Variants in PCDH15 observed in about 807,000 individuals in gnomAD.
PCDH15 encodes protocadherin related 15.
PCDH15 carries 129 observed loss-of-function variants against 178.5 expected under a neutral mutation model. That is an observed-to-expected ratio of 0.72 (90% CI 0.63 to 0.84). The LOEUF (loss-of-function observed/expected upper bound fraction) is 0.84, where lower values mean the gene tolerates loss of function less well. Among genes scored for constraint, PCDH15 ranks in the 40% least tolerant of loss-of-function variants. The probability of loss-of-function intolerance (pLI) is 0.00; values close to 1 mark genes in which losing one functional copy is unlikely to be tolerated. For synonymous variants in PCDH15, 800 were observed against 732.0 expected, an observed-to-expected ratio of 1.09 and a Z score of -1.50; for missense variants, 2,230 against 2,099.9, an observed-to-expected ratio of 1.06 and a Z score of -1.21.
chr10:54,922,182 C>A (rs1477031936), intron 2 of PCDH15, among the ~76,000 whole-genome samples: 1 of 152,084 alleles, frequency 6.6e-6, no homozygotes, highest in Admixed American at 6.6e-5. Flanking sequence ...CATGACCATG[C>A]CTTTTCAACA....
At chr10:55,484,204 T>C (rs1219608610) in intron 2 of PCDH15, among the ~76,000 whole-genome samples, 1 of 151,690 alleles carries the variant, frequency 6.6e-6, no homozygotes, top group Non-Finnish European at 1.5e-5. Flanking sequence ...AGTTAATACC[T>C]GGTTAGTAAG....
At position 53,807,067 on chromosome 10, in the gene PCDH15, C is replaced by CTCCAGT. The variant is rs1554814938; in HGVS notation, c.4729_4734dup (p.Thr1577_Gly1578dup). 1 of 1,613,180 alleles carries CTCCAGT rather than the reference C, an allele frequency of 6.2e-7. No homozygotes were observed. The highest frequency in any genetic ancestry group is 1.7e-5 in the Admixed American group (1 of 59,894). On this transcript the variant is annotated inframe_insertion, in exon 38 of 38. Coordinates refer to ENST00000644397, the MANE Select transcript of PCDH15 (RefSeq NM_001384140.1). Reference sequence around the variant, plus strand: ...CTCTGACATTCAGGAGCACTGTCTTCTCCAGTTGAGCTGGTTTCATACTCT... The same window carrying CTCCAGT: ...CTCTGACATTCAGGAGCACTGTCTTCTCCAGTTCCAGTTGAGCTGGTTTCATACTCT...
chr10:54,735,006 A>G (rs1943903539), intron 1 of PCDH15, among the ~76,000 whole-genome samples: 1 of 152,030 alleles, frequency 6.6e-6, no homozygotes, highest in African/African-American at 2.4e-5. Flanking sequence ...GAATTTTACT[A>G]TATAAAATTC....
At chr10:55,153,519 A>G (rs2589435) in intron 2 of PCDH15, among the ~76,000 whole-genome samples, 140,494 of 152,210 alleles carry the variant, frequency 0.92, 65,460 homozygotes, top group East Asian at 1. Flanking sequence ...CAGATAAAAT[A>G]GAGAGTATAG....
At chr10:54,505,474 G>T (rs1453882361) in intron 3 of PCDH15, among the ~76,000 whole-genome samples, 2 of 152,010 alleles carry the variant, frequency 1.3e-5, no homozygotes, top group African/African-American at 4.8e-5. Context: ...ATCTGCTTTG[G>T]ACATCCAAAT....
chr10:55,030,274 G>T (rs752383086), intron 2 of PCDH15, among the ~76,000 whole-genome samples: 4 of 152,224 alleles, frequency 2.6e-5, no homozygotes, highest in African/African-American at 9.6e-5. Flanking sequence ...ATCATGTGTG[G>T]GATCTTAACA....
At chr10:54,171,138 C>T (rs1316220928) in intron 13 of PCDH15, among the ~76,000 whole-genome samples, 1 of 152,112 alleles carries the variant, frequency 6.6e-6, no homozygotes, top group East Asian at 1.9e-4. Flanking sequence ...GTTTAGCCTT[C>T]CCACCTCAAT....
Position 54,444,616 on chromosome 10 carries a change from G to A in PCDH15, c.158-65674C>T, listed in dbSNP as rs111741123. 6.1e-3 allele frequency among the ~76,000 whole-genome samples: 923 copies of A among 151,698 alleles called. 13 individuals are homozygous for A. The highest frequency in any genetic ancestry group is 0.021 in the African/African-American group (876 of 41,464). ...ACCTGACAGACTGACCTAACTCTAA[G>A]CTAAAACACTCATAAACTAGCACAG... On this transcript the variant is annotated intron_variant, in intron 3 of 37. Coordinates refer to ENST00000644397, the MANE Select transcript of PCDH15 (RefSeq NM_001384140.1).
Position 54,162,301 on chromosome 10 carries a change from A to G in PCDH15, c.1591-9008T>C, listed in dbSNP as rs552960444. On this transcript the variant is annotated intron_variant, in intron 13 of 37. Coordinates refer to ENST00000644397, the MANE Select transcript of PCDH15 (RefSeq NM_001384140.1). ...CTTCAGAGACTTTACTATCAACTCC[A>G]TGAACTCCATGCTACCTTTGTAAAA... Among the ~76,000 whole-genome samples, 6 of 152,284 alleles carry G rather than the reference A, an allele frequency of 3.9e-5. No homozygotes were observed. The East Asian group carries it at 1.2e-3, about 29-fold the overall frequency.
At chr10:54,288,248 A>C (rs1271525771) in intron 8 of PCDH15, among the ~76,000 whole-genome samples, 1 of 152,116 alleles carries the variant, frequency 6.6e-6, no homozygotes, top group Non-Finnish European at 1.5e-5. Context: ...TGAACCCAGG[A>C]GGGAGAGGTT....
intron 1 of PCDH15, among the ~76,000 whole-genome samples, chr10:55,256,896 C>A (rs1421567472): frequency 6.6e-6 from 1 of 152,172 alleles, no homozygotes; most frequent in Non-Finnish European, 1.5e-5. Context: ...CAGTACGCAG[C>A]TGGAGATCTG....
intron 26 of PCDH15, among the ~76,000 whole-genome samples, chr10:53,879,076 T>C (rs2080495976): frequency 1.3e-5 from 2 of 149,496 alleles, no homozygotes; most frequent in South Asian, 4.3e-4. Flanking sequence ...TTTGTAGCTA[T>C]CTTCCTGATC....
intron 1 of PCDH15, among the ~76,000 whole-genome samples, chr10:55,235,868 C>T (rs1193480065): frequency 2.1e-5 from 3 of 143,760 alleles, no homozygotes; most frequent in African/African-American, 7.9e-5. Context: ...GACTGCGCCA[C>T]TGCACTCCAG....
rs185341775 is a variant in PCDH15 at position 54,816,208 on chromosome 10, A to G, written c.-29+81242T>C. ...TATGAAAGTGCCTGACATATTGGAG[A>G]TGTTGACTATATATTTATGTAGTAT... is the stretch of plus-strand genomic sequence containing the variant. On this transcript the variant is annotated intron_variant, in intron 3 of 5. Transcript: ENST00000458638. Among the ~76,000 whole-genome samples the G allele has an allele frequency of 1.1e-3, 163 of 152,024 alleles. 1 individual carries two copies. The highest frequency in any genetic ancestry group is 8.1e-4 in the Non-Finnish European group (55 of 67,960).
At chr10:54,531,258 G>T (rs552734597) in intron 2 of PCDH15, among the ~76,000 whole-genome samples, 116 of 152,212 alleles carry the variant, frequency 7.6e-4, no homozygotes, top group Non-Finnish European at 1.5e-3. Flanking sequence ...TAGCCTGTTA[G>T]GCCTATACTC....
At chr10:54,917,236 C>T (rs548005569) in intron 2 of PCDH15, among the ~76,000 whole-genome samples, 1 of 152,194 alleles carries the variant, frequency 6.6e-6, no homozygotes, top group Non-Finnish European at 1.5e-5. Flanking sequence ...TGAAATTTAT[C>T]AATTTAGAAG....
intron 8 of PCDH15, among the ~76,000 whole-genome samples, chr10:54,239,088 A>G (rs949177853): frequency 6.6e-6 from 1 of 152,150 alleles, no homozygotes; most frequent in Non-Finnish European, 1.5e-5. Flanking sequence ...AGAAATTAAA[A>G]TAAAATTGAA....
At chr10:55,539,154 A>G (rs1841700288) in intron 2 of PCDH15, among the ~76,000 whole-genome samples, 1 of 150,630 alleles carries the variant, frequency 6.6e-6, no homozygotes, top group Non-Finnish European at 1.5e-5. Flanking sequence ...TTTATTTAAC[A>G]TCTCTTTTCC....
chr10:55,051,723 T>C (rs937989461), intron 2 of PCDH15, among the ~76,000 whole-genome samples: 6 of 152,158 alleles, frequency 3.9e-5, no homozygotes, highest in Admixed American at 1.3e-4. Context: ...GTCATAAAAA[T>C]GTTAAATGAT....
Sources: allele counts gnomAD v4.1 joint callset (sites outside exome capture counted in the v4.1 genomes callset), GRCh38; gene constraint gnomAD v4.1.1; transcripts MANE v1.5; gene names NCBI Gene and HGNC (gene_info 2026-07-23, HGNC 2026-07-21).